LRRC4C: variants seen among roughly 807,000 people sequenced by gnomAD.
The protein encoded by LRRC4C is leucine-rich repeat-containing protein 4C.
LRRC4C carries 5 observed loss-of-function variants against 33.6 expected under a neutral mutation model. That is an observed-to-expected ratio of 0.15 (90% CI 0.08 to 0.31). LRRC4C has a LOEUF of 0.31. LRRC4C is among the 10% of genes least tolerant of loss of function. The pLI is 1.00. For synonymous variants in LRRC4C, 329 were observed against 302.0 expected (o/e 1.09, Z -0.93); for missense variants, 560 against 796.7 (o/e 0.70, Z 3.58).
intron 2 of LRRC4C, among the ~76,000 whole-genome samples, chr11:40,838,978 A>T (rs538978415): frequency 2.0e-5 from 3 of 152,132 alleles, no homozygotes; most frequent in Non-Finnish European, 2.9e-5. Flanking sequence ...AATAGGACCA[A>T]TTGAGTTAAC....
At chr11:40,709,167 G>GT (rs1946333720) in intron 2 of LRRC4C, among the ~76,000 whole-genome samples, 1 of 152,098 alleles carries the variant, frequency 6.6e-6, no homozygotes, top group Admixed American at 6.6e-5. Flanking sequence ...CAATTTGCCA[G>GT]TCTGTGTCTT....
intron 1 of LRRC4C, among the ~76,000 whole-genome samples, chr11:41,184,028 A>T (rs1325128766): frequency 6.6e-6 from 1 of 152,188 alleles, no homozygotes; most frequent in African/African-American, 2.4e-5. Context: ...AGCAGCTGGG[A>T]CACAGGACAC....
intron 3 of LRRC4C, among the ~76,000 whole-genome samples, chr11:40,410,124 C>T (rs556543539): frequency 5.9e-5 from 9 of 151,850 alleles, no homozygotes; most frequent in African/African-American, 1.9e-4. Context: ...GTTATAGAGA[C>T]ATCTAGCTCT....
At chr11:40,408,666 TAA>T (rs967512846) in intron 3 of LRRC4C, among the ~76,000 whole-genome samples, 3 of 151,986 alleles carry the variant, frequency 2.0e-5, no homozygotes, top group African/African-American at 7.2e-5. Flanking sequence ...TTTTGCATTT[TAA>T]AGTTGTTGAA....
intron 2 of LRRC4C, among the ~76,000 whole-genome samples, chr11:40,699,743 T>C (rs1945774312): frequency 6.6e-6 from 1 of 152,194 alleles, no homozygotes. Context: ...GGAATATTGA[T>C]GGAGTTAATA....
At chr11:40,369,241 T>G (rs1948345137) in intron 3 of LRRC4C, among the ~76,000 whole-genome samples, 1 of 152,220 alleles carries the variant, frequency 6.6e-6, no homozygotes, top group Admixed American at 6.5e-5. Flanking sequence ...TGTCTCCTGC[T>G]GTGAAATTGC....
chr11:41,336,187 T>C (rs997375759), intron 1 of LRRC4C, among the ~76,000 whole-genome samples: 1 of 151,952 alleles, frequency 6.6e-6, no homozygotes, highest in Admixed American at 6.6e-5. Context: ...GAAAATTTAA[T>C]GAGTTTTTAA....
intron 2 of LRRC4C, among the ~76,000 whole-genome samples, chr11:40,796,635 CTTT>C (rs1188389556): frequency 6.7e-5 from 7 of 104,926 alleles, no homozygotes; most frequent in African/African-American, 1.1e-4. Context: ...AAGCAGAACT[CTTT>C]TTTTTTTTTT....
chr11:40,745,759 C>A (rs2136941869), intron 2 of LRRC4C, among the ~76,000 whole-genome samples: 1 of 152,060 alleles, frequency 6.6e-6, no homozygotes, highest in East Asian at 1.9e-4. Context: ...ATATGTGGTT[C>A]TCATTGACTT....
At chr11:41,329,218 C>T (rs1395693486) in intron 1 of LRRC4C, among the ~76,000 whole-genome samples, 2 of 152,150 alleles carry the variant, frequency 1.3e-5, no homozygotes, top group East Asian at 3.9e-4. Flanking sequence ...GGCTCTGTGA[C>T]TCTGCCCCTT....
intron 2 of LRRC4C, among the ~76,000 whole-genome samples, chr11:40,872,540 C>G (rs188943452): frequency 1.2e-3 from 177 of 152,104 alleles, no homozygotes; most frequent in Non-Finnish European, 1.9e-3. Context: ...CTCTATGTTA[C>G]TTAAATGTCT....
At chr11:40,362,509 C>A (rs1948004260) in intron 3 of LRRC4C, among the ~76,000 whole-genome samples, 1 of 152,152 alleles carries the variant, frequency 6.6e-6, no homozygotes. Flanking sequence ...CACCTGAGGT[C>A]AGGAGTTCAA....
chr11:40,469,869 G>T (rs1323949956), intron 3 of LRRC4C, among the ~76,000 whole-genome samples: 2 of 152,184 alleles, frequency 1.3e-5, no homozygotes, highest in African/African-American at 4.8e-5. Context: ...TGAAAGAAAG[G>T]CAGCAGCCCC....
intron 3 of LRRC4C, among the ~76,000 whole-genome samples, chr11:40,468,982 C>A (rs1472984588): frequency 6.6e-6 from 1 of 152,150 alleles, no homozygotes; most frequent in East Asian, 1.9e-4. Context: ...CTGTAAAAAT[C>A]TGCAAAATAA....
chr11:40,192,390 AG>A (rs780816316), intron 5 of LRRC4C, among the ~76,000 whole-genome samples: 5 of 152,178 alleles, frequency 3.3e-5, no homozygotes, highest in Admixed American at 2.0e-4. Flanking sequence ...CCCCTAGCCA[AG>A]GGCAGCCATG....
chr11:40,394,444 T>A (rs1949458860), intron 3 of LRRC4C, among the ~76,000 whole-genome samples: 1 of 152,176 alleles, frequency 6.6e-6, no homozygotes, highest in Non-Finnish European at 1.5e-5. Context: ...TACATCATCC[T>A]TTTGAGAGTG....
chr11:41,006,075 G>T (rs571170819), intron 1 of LRRC4C, among the ~76,000 whole-genome samples: 2 of 152,064 alleles, frequency 1.3e-5, no homozygotes, highest in South Asian at 2.1e-4. Flanking sequence ...ATTAGAAGAA[G>T]AATTTTCAAC....
chr11:40,801,320 T>C (rs948738448), intron 2 of LRRC4C, among the ~76,000 whole-genome samples: 3 of 152,158 alleles, frequency 2.0e-5, no homozygotes, highest in African/African-American at 7.2e-5. Flanking sequence ...TTCCTCACTA[T>C]TCTAACCAAT....
At chr11:41,111,431 G>A (rs942293939) in intron 1 of LRRC4C, among the ~76,000 whole-genome samples, 25 of 152,030 alleles carry the variant, frequency 1.6e-4, no homozygotes, top group East Asian at 1.2e-3. Context: ...CATAACCACC[G>A]CTCTGTACTT....
Sources: allele counts gnomAD v4.1 joint callset (sites outside exome capture counted in the v4.1 genomes callset), GRCh38; gene constraint gnomAD v4.1.1; transcripts MANE v1.5; gene names NCBI Gene and HGNC (gene_info 2026-07-23, HGNC 2026-07-21).